The following NCKAP5 variants were observed in gnomAD, a reference collection of about 807,000 sequenced individuals.
NCKAP5 encodes the protein NCK associated protein 5.
NCKAP5 carries 92 observed loss-of-function variants against 167.0 expected under a neutral mutation model. The ratio of observed to expected loss-of-function variants is 0.55; its 90% confidence interval spans 0.47 to 0.66. The LOEUF (loss-of-function observed/expected upper bound fraction) is 0.66. Ranked by LOEUF, NCKAP5 falls within the 30% of genes least tolerant of loss-of-function variation. The probability of loss-of-function intolerance (pLI) is 0.00; values close to 1 mark genes in which losing one functional copy is unlikely to be tolerated. For synonymous variants in NCKAP5, 891 were observed against 877.4 expected, an observed-to-expected ratio of 1.02 and a Z score of -0.27; for missense variants, 2,378 against 2,315.0, an observed-to-expected ratio of 1.03 and a Z score of -0.56.
the NCKAP5 span, among the ~76,000 whole-genome samples, chr2:133,633,313 C>G: frequency 6.6e-6 from 1 of 152,204 alleles, no homozygotes; most frequent in Non-Finnish European, 1.5e-5. Context: ...TCACCAAACC[C>G]AGAACGGCCG....
chr2:133,081,549 G>A (rs2080806331), intron 6 of NCKAP5, among the ~76,000 whole-genome samples: 1 of 152,076 alleles, frequency 6.6e-6, no homozygotes, highest in Non-Finnish European at 1.5e-5. Context: ...TTGTTGTGGT[G>A]TATGCATTTT....
At chr2:132,974,609 A>G (rs2076924252) in intron 7 of NCKAP5, among the ~76,000 whole-genome samples, 1 of 152,216 alleles carries the variant, frequency 6.6e-6, no homozygotes, top group African/African-American at 2.4e-5. Context: ...CTCTTTCCAC[A>G]GACTCGGTGA....
At chr2:133,619,252 A>G in the NCKAP5 span, among the ~76,000 whole-genome samples, 1 of 145,028 alleles carries the variant, frequency 6.9e-6, no homozygotes, top group Admixed American at 7.0e-5. Context: ...ACATGTATAC[A>G]TATGTAACTA....
At chr2:133,442,018 T>G (rs963302335) in intron 3 of NCKAP5, among the ~76,000 whole-genome samples, 5 of 152,096 alleles carry the variant, frequency 3.3e-5, no homozygotes, top group African/African-American at 1.2e-4. Flanking sequence ...GAACAAAATG[T>G]CACAACAAAA....
At chr2:133,457,380 C>A (rs1461840885) in intron 3 of NCKAP5, among the ~76,000 whole-genome samples, 3 of 152,072 alleles carry the variant, frequency 2.0e-5, no homozygotes, top group Non-Finnish European at 2.9e-5. Context: ...CAAATCCTAC[C>A]ACTGAGAACT....
chr2:132,749,427 C>T (rs1277084626), intron 16 of NCKAP5, among the ~76,000 whole-genome samples: 2 of 152,188 alleles, frequency 1.3e-5, no homozygotes, highest in African/African-American at 4.8e-5. Context: ...TGGTCTCGAA[C>T]TCCTGGGCTC....
the NCKAP5 span, among the ~76,000 whole-genome samples, chr2:133,616,745 C>A: frequency 6.6e-6 from 1 of 151,902 alleles, no homozygotes; most frequent in Non-Finnish European, 1.5e-5. Flanking sequence ...TGGTACCATT[C>A]CTTCTGAAAC....
intron 8 of NCKAP5, among the ~76,000 whole-genome samples, chr2:132,910,422 C>T (rs1263254807): frequency 1.3e-5 from 2 of 152,154 alleles, no homozygotes; most frequent in African/African-American, 4.8e-5. Context: ...CCCCCAACTA[C>T]CTTTCCCAGC....
At chr2:133,635,425 T>C in the NCKAP5 span, among the ~76,000 whole-genome samples, 1 of 152,212 alleles carries the variant, frequency 6.6e-6, no homozygotes. Context: ...GACTCTTTCA[T>C]GAGATTCTAG....
intron 5 of NCKAP5, among the ~76,000 whole-genome samples, chr2:133,153,087 G>C (rs1163735270): frequency 2.0e-5 from 3 of 152,152 alleles, no homozygotes; most frequent in Admixed American, 2.0e-4. Flanking sequence ...TAAAACCATA[G>C]AGACACTAAA....
intron 4 of NCKAP5, among the ~76,000 whole-genome samples, chr2:133,278,782 C>CAAAAAAA (rs59725110): frequency 9.6e-5 from 9 of 94,086 alleles, no homozygotes; most frequent in African/African-American, 3.3e-4. Flanking sequence ...CCCTAAACTA[C>CAAAAAAA]AAAAAAAAAA....
the NCKAP5 span, among the ~76,000 whole-genome samples, chr2:133,629,666 A>C: frequency 1.3e-5 from 2 of 152,246 alleles, no homozygotes; most frequent in Non-Finnish European, 2.9e-5. Flanking sequence ...TGTATCACAA[A>C]GATTCATGAA....
At chr2:132,842,626 C>T (rs1688370913) in intron 11 of NCKAP5, among the ~76,000 whole-genome samples, 1 of 151,982 alleles carries the variant, frequency 6.6e-6, no homozygotes. Context: ...CATCATGGCT[C>T]ACTGCCTCAA....
At chr2:132,901,338 G>T (rs1178992715) in intron 8 of NCKAP5, among the ~76,000 whole-genome samples, 2 of 152,164 alleles carry the variant, frequency 1.3e-5, no homozygotes, top group Non-Finnish European at 2.9e-5. Context: ...CAATTGCTCT[G>T]GAGGGAACAT....
chr2:133,042,457 C>G (rs2079247143), intron 6 of NCKAP5, among the ~76,000 whole-genome samples: 1 of 152,144 alleles, frequency 6.6e-6, no homozygotes. Flanking sequence ...GGTGAGCAGA[C>G]AGTAAAACAA....
chr2:132,785,415 T>C lies in NCKAP5; in HGVS notation c.1396A>G (p.Lys466Glu), dbSNP rs1683480543. ...DLGSPCKEPH[K>E]TFVYDLDSHV... The stretch of plus-strand genomic sequence containing the variant: ...GAATCTAGATCATAAACAAATGTCT[T>C]GTGGGGTTCCTTGCAGGGGCTCCCC... The change falls in exon 14 of 20, where the codon AAG becomes GAG. Residue 466 changes from lysine (K) to glutamate (E), a missense_variant. Transcript: ENST00000409261. 2 of 1,613,918 alleles carry C rather than the reference T, an allele frequency of 1.2e-6. No individual in the cohort carries two copies. Among genetic ancestry groups the C allele is most frequent in the South Asian group, 1.1e-5 (1 of 91,080 alleles).
intron 6 of NCKAP5, among the ~76,000 whole-genome samples, chr2:133,025,898 G>A (rs774249660): frequency 2.0e-5 from 3 of 152,100 alleles, no homozygotes; most frequent in Admixed American, 6.6e-5. Context: ...TTGTGCCATG[G>A]TGGTTTGCTG....
At chr2:133,406,854 G>A (rs1688469812) in intron 3 of NCKAP5, among the ~76,000 whole-genome samples, 1 of 152,168 alleles carries the variant, frequency 6.6e-6, no homozygotes, top group African/African-American at 2.4e-5. Context: ...CTATATTCAA[G>A]CCCCACCTTG....
At chr2:132,745,382 C>A (rs758382366) in intron 16 of NCKAP5, among the ~76,000 whole-genome samples, 278 of 148,712 alleles carry the variant, frequency 1.9e-3, no homozygotes, top group Middle Eastern at 3.4e-3. Flanking sequence ...ATTCAACATC[C>A]TTTCATGACA....
Sources: allele counts gnomAD v4.1 joint callset (sites outside exome capture counted in the v4.1 genomes callset), GRCh38; gene constraint gnomAD v4.1.1; transcripts MANE v1.5; gene names NCBI Gene and HGNC (gene_info 2026-07-23, HGNC 2026-07-21).